Variants in SF3A1 observed in about 807,000 individuals in gnomAD.
SF3A1 encodes the protein splicing factor 3a subunit 1.
A neutral mutation model predicts 89.9 loss-of-function variants in SF3A1; 13 were observed. The ratio of observed to expected loss-of-function variants is 0.14; its 90% CI spans 0.09 to 0.23. The LOEUF is 0.23. SF3A1 is among the 10% of genes least tolerant of loss of function. The pLI is 1.00. For synonymous variants in SF3A1, 405 were observed against 374.4 expected (o/e 1.08, Z -0.94); for missense variants, 604 against 1,022.1 (o/e 0.59, Z 5.58).
intron 2 of SF3A1, among the ~76,000 whole-genome samples, chr22:30,350,824 T>C (rs1356107887): frequency 6.6e-6 from 1 of 152,224 alleles, no homozygotes; most frequent in African/African-American, 2.4e-5. Flanking sequence ...AGGGGAGGCA[T>C]GAACACTGCT....
chr22:30,353,431 A>G (rs907406316), intron 1 of SF3A1, among the ~76,000 whole-genome samples: 7 of 152,228 alleles, frequency 4.6e-5, no homozygotes, highest in Non-Finnish European at 8.8e-5. Context: ...AAAGGGAGAA[A>G]GCAAAAAGTT....
At chr22:30,354,052 T>C (rs1319940014) in intron 1 of SF3A1, among the ~76,000 whole-genome samples, 4 of 152,212 alleles carry the variant, frequency 2.6e-5, no homozygotes, top group African/African-American at 7.2e-5. Context: ...TTAACCAACA[T>C]TCAATGCTCA....
At chr22:30,351,013 C>G (rs938334970) in intron 2 of SF3A1, among the ~76,000 whole-genome samples, 4 of 152,210 alleles carry the variant, frequency 2.6e-5, no homozygotes, top group Admixed American at 2.0e-4. Flanking sequence ...AAAGTCTAAC[C>G]AAAGTAGGCT....
In SF3A1 at chr22:30,337,795, G is replaced by C. The variant is rs761891512; in HGVS notation, c.1846C>G (p.Pro616Ala). 9 of 1,600,854 alleles carry C rather than the reference G, an allele frequency of 5.6e-6. No homozygotes were observed. The highest frequency in any genetic ancestry group is 7.7e-6 in the Non-Finnish European group (9 of 1,174,490). Residue 616 changes from proline (P) to alanine (A), a missense_variant, in exon 12 of 16, where the codon CCC becomes GCC. Coordinates refer to ENST00000215793, the MANE Select transcript of SF3A1 (RefSeq NM_005877.6). ...GGCGCGTGGATGATGGGCGGCATGGGGGCGATCACTGAGCCTGGGGGCAGC... is the reference window on the plus strand; with the variant it reads ...GGCGCGTGGATGATGGGCGGCATGGCGGCGATCACTGAGCCTGGGGGCAGC... The part of the protein sequence containing the change: ...VRLPPGSVIA[P>A]MPPIIHAPRI...
chr22:30,335,410 C>T, intron 15 of SF3A1, 57 bp downstream of exon 15: 1 of 1,430,352 alleles, frequency 7.0e-7, no homozygotes, highest in Non-Finnish European at 9.9e-7. Context: ...GATTTAGCTT[C>T]TGTGAAAGCA....
At chr22:30,353,153 T>C (rs1293756577) in intron 1 of SF3A1, 81 bp from the exon 2 acceptor site, 1 of 1,521,372 alleles carries the variant, frequency 6.6e-7, no homozygotes, top group Non-Finnish European at 8.9e-7. Flanking sequence ...CTCTAGGATA[T>C]CATTCAGAGT....
In SF3A1 at chr22:30,337,702, T is replaced by G; in HGVS notation, c.1939A>C (p.Ile647Leu). The change falls in exon 12 of 16, where the codon ATT (isoleucine) becomes CTT (leucine). Residue 647 changes from isoleucine (I) to leucine (L), a missense_variant. Physicochemically the swap from Ile to Leu is conservative, Grantham distance 5 (BLOSUM62 2). Coordinates refer to ENST00000215793, the MANE Select transcript of SF3A1 (RefSeq NM_005877.6). ...AAGAGATACTGACCTGTTGGCACAA[T>G]CATGGGGGGTGGGCGGGGGGCCATA... ...PIMAPRPPPM[I>L]VPTAFVPAPP... 6.1e-6 allele frequency: 3 copies of G among 491,876 alleles called. No individual in the cohort carries two copies. Among genetic ancestry groups the G allele is most frequent in the Non-Finnish European group, 1.0e-5 (3 of 288,902 alleles). The allele number at this position is 491,876 out of a possible 1,614,324, so 30.5% of individuals were successfully genotyped here.
intron 3 of SF3A1, among the ~76,000 whole-genome samples, chr22:30,345,856 G>T (rs899266690): frequency 6.6e-6 from 1 of 152,124 alleles, no homozygotes; most frequent in Non-Finnish European, 1.5e-5. Context: ...AGGGAAGGTG[G>T]TATCAGGGGA....
intron 1 of SF3A1, among the ~76,000 whole-genome samples, chr22:30,354,413 G>A (rs969317117): frequency 1.3e-5 from 2 of 152,004 alleles, no homozygotes; most frequent in African/African-American, 4.8e-5. Context: ...CAACTCCTAG[G>A]CCCCATTCTT....
chr22:30,339,101 G>A, intron 10 of SF3A1, 29 bp downstream of exon 10: 4 of 1,614,038 alleles, frequency 2.5e-6, no homozygotes, highest in Non-Finnish European at 3.4e-6. Flanking sequence ...GGGGGGCAGA[G>A]AAGGCACTAG....
intron 12 of SF3A1, 52 bp from the exon 13 acceptor site, chr22:30,337,232 C>A (rs1233868945): frequency 6.6e-7 from 1 of 1,521,818 alleles, no homozygotes; most frequent in East Asian, 2.3e-5. Context: ...GGGCCCAGGA[C>A]TCAGGGCTGA....
At chr22:30,347,673 ACG>A in intron 2 of SF3A1, among the ~76,000 whole-genome samples, 1 of 152,376 alleles carries the variant, frequency 6.6e-6, no homozygotes, top group East Asian at 1.9e-4. Flanking sequence ...CAGAAAGTAC[ACG>A]GACCTTAAAG....
chr22:30,355,815 T>TCCCCCC (rs11451197), intron 1 of SF3A1, among the ~76,000 whole-genome samples: 134 of 92,236 alleles, frequency 1.5e-3, no homozygotes, highest in Admixed American at 1.6e-3. Context: ...TCAGTCATGT[T>TCCCCCC]CCCCCCCCCC....
At chr22:30,335,361 C>T (rs1300174422) in intron 15 of SF3A1, 106 bp downstream of exon 15, 3 of 976,432 alleles carry the variant, frequency 3.1e-6, no homozygotes, top group African/African-American at 3.2e-5. Flanking sequence ...GATGGCCACA[C>T]CCAGATATCA....
chr22:30,348,007 A>C (rs62227729), intron 2 of SF3A1, among the ~76,000 whole-genome samples: 1 of 152,052 alleles, frequency 6.6e-6, no homozygotes, highest in African/African-American at 2.4e-5. Context: ...ATGCTCGGCT[A>C]ATTTTTTTTT....
rs780901671 is a variant in SF3A1, at chr22:30,338,824, C to T, written c.1708G>A (p.Ala570Thr). The change falls in exon 11 of 16, where the codon GCT (alanine) becomes ACT (threonine). Residue 570 changes from alanine (A) to threonine (T), a missense_variant. Physicochemically the swap from Ala to Thr is moderately conservative, Grantham distance 58 (BLOSUM62 0). Transcript: ENST00000215793. Reference protein sequence around the residue: ...PSSATNIPSSAPPITSVPRPP... With the variant: ...PSSATNIPSSTPPITSVPRPP... Reference sequence around the variant, plus strand: ...CGGGGCACTGAAGTGATGGGTGGAGCCGAGCTGGGGATGTTGGTGGCTGAA... The same window carrying T: ...CGGGGCACTGAAGTGATGGGTGGAGTCGAGCTGGGGATGTTGGTGGCTGAA... 1 of 1,614,024 alleles carries T rather than the reference C, an allele frequency of 6.2e-7. No individual in the cohort carries two copies. The highest frequency in any genetic ancestry group is 2.2e-5 in the East Asian group (1 of 44,886).
chr22:30,355,828 C>T (rs1332950032), intron 1 of SF3A1, among the ~76,000 whole-genome samples: 1 of 124,056 alleles, frequency 8.1e-6, no homozygotes, highest in African/African-American at 3.0e-5. Flanking sequence ...CCCCCCCCGC[C>T]CCCCTTATTC....
rs978972712 is a variant in SF3A1 at position 30,333,500 on chromosome 22, A to G, written c.*1094T>C. 1.3e-5 allele frequency: 2 copies of G among 152,236 alleles called. No homozygotes were observed. The highest frequency in any genetic ancestry group is 4.8e-5 in the African/African-American group (2 of 41,460). 9.4% of individuals were successfully genotyped at this position (152,236 alleles called of 1,614,324 possible). ...TCCTCCAACACCCACAGCATTGCCT[A>G]TCTCCCTGTGATAGCTTGATTCTAA... On this transcript the variant is annotated 3_prime_UTR_variant, in exon 16 of 16. Transcript: ENST00000215793.
At chr22:30,337,659 T>G (rs1931112753) in intron 12 of SF3A1, 31 bp downstream of exon 12, 1 of 981,208 alleles carries the variant, frequency 1.0e-6, no homozygotes, top group Non-Finnish European at 1.5e-6. Flanking sequence ...CCTGAACTAA[T>G]GGCCTGGAAA....
Sources: allele counts gnomAD v4.1 joint callset (sites outside exome capture counted in the v4.1 genomes callset), GRCh38; gene constraint gnomAD v4.1.1; transcripts MANE v1.5; gene names NCBI Gene and HGNC (gene_info 2026-07-23, HGNC 2026-07-21).